The following ATP6V0E1 variants were observed in gnomAD, a reference collection of about 807,000 sequenced individuals.
ATP6V0E1 encodes ATPase H+ transporting V0 subunit e1.
ATP6V0E1 carries 4 observed loss-of-function variants against 11.6 expected under a neutral mutation model. The ratio of observed to expected loss-of-function variants is 0.35; its 90% CI spans 0.17 to 0.79. ATP6V0E1 has a LOEUF of 0.79. Ranked by LOEUF, ATP6V0E1 falls within the 30% of genes least tolerant of loss-of-function variation. The pLI, the probability that ATP6V0E1 is intolerant of heterozygous loss-of-function variation, is 0.54. For synonymous variants in ATP6V0E1, 36 were observed against 34.8 expected (o/e 1.04, Z -0.13); for missense variants, 105 against 100.0 (o/e 1.05, Z -0.21).
chr5:173,025,763 G>T (rs1470201880), intron 3 of ATP6V0E1, among the ~76,000 whole-genome samples: 3 of 151,928 alleles, frequency 2.0e-5, no homozygotes, highest in Non-Finnish European at 4.4e-5. Context: ...CTCCTAAAGT[G>T]CTGGGATTAC....
intron 1 of ATP6V0E1, among the ~76,000 whole-genome samples, chr5:172,991,409 G>A (rs767123047): frequency 6.6e-6 from 1 of 152,194 alleles, no homozygotes; most frequent in Non-Finnish European, 1.5e-5. Flanking sequence ...AGGAGCCTCA[G>A]CTCTTTCAGT....
intron 2 of ATP6V0E1, among the ~76,000 whole-genome samples, chr5:173,008,245 C>T (rs1756259025): frequency 6.6e-6 from 1 of 151,924 alleles, no homozygotes; most frequent in African/African-American, 2.4e-5. Flanking sequence ...GACTGAAACA[C>T]ACACTCCAAA....
chr5:173,003,366 T>C (rs891089609), intron 2 of ATP6V0E1, among the ~76,000 whole-genome samples: 2 of 152,202 alleles, frequency 1.3e-5, no homozygotes, highest in African/African-American at 2.4e-5. Flanking sequence ...TTGTCTGATT[T>C]GTTAATTCAT....
At chr5:173,032,158 GAATA>G (rs1756669866) in intron 3 of ATP6V0E1, among the ~76,000 whole-genome samples, 1 of 151,398 alleles carries the variant, frequency 6.6e-6, no homozygotes. Flanking sequence ...CCTGTCTCAA[GAATA>G]AATAAATAAA....
intron 3 of ATP6V0E1, among the ~76,000 whole-genome samples, chr5:173,030,444 T>G (rs1756632241): frequency 6.7e-6 from 1 of 149,088 alleles, no homozygotes; most frequent in Admixed American, 6.6e-5. Context: ...GTTTTTTGTT[T>G]TTTTTTTTTT....
chr5:172,994,226 G>A (rs191263243), intron 1 of ATP6V0E1, among the ~76,000 whole-genome samples: 40 of 152,262 alleles, frequency 2.6e-4, no homozygotes, highest in African/African-American at 9.1e-4. Context: ...TGGGTCGGTT[G>A]GGTGAAAATG....
chr5:172,998,108 T>G (rs889901512), intron 2 of ATP6V0E1, among the ~76,000 whole-genome samples: 1 of 144,198 alleles, frequency 6.9e-6, no homozygotes, highest in Non-Finnish European at 1.5e-5. Flanking sequence ...ATACCCTGTC[T>G]CAAAAAAAAA....
intron 1 of ATP6V0E1, among the ~76,000 whole-genome samples, chr5:172,993,792 G>A (rs1379355722): frequency 6.6e-6 from 1 of 150,542 alleles, no homozygotes; most frequent in Non-Finnish European, 1.5e-5. Context: ...GATCAGTTGA[G>A]CCGAGGAGTT....
chr5:172,992,034 C>T (rs79834175), intron 1 of ATP6V0E1, among the ~76,000 whole-genome samples: 1 of 151,272 alleles, frequency 6.6e-6, no homozygotes, highest in Non-Finnish European at 1.5e-5. Flanking sequence ...TTCTTTCTCT[C>T]TCTCTCTTTT....
intron 3 of ATP6V0E1, chr5:173,020,727 T>C (rs560387869): frequency 1.9e-6 from 1 of 519,474 alleles, no homozygotes; most frequent in South Asian, 1.4e-5. Flanking sequence ...GCAGGTTTCT[T>C]TCCAGCAGTA....
intron 1 of ATP6V0E1, among the ~76,000 whole-genome samples, chr5:172,992,571 G>T (rs1180951203): frequency 3.3e-5 from 5 of 151,996 alleles, no homozygotes; most frequent in African/African-American, 9.7e-5. Flanking sequence ...GCACTGAGAC[G>T]CCACCTCCTC....
intron 2 of ATP6V0E1, among the ~76,000 whole-genome samples, chr5:172,996,924 G>A (rs1473456977): frequency 6.8e-6 from 1 of 147,220 alleles, no homozygotes; most frequent in African/African-American, 2.5e-5. Flanking sequence ...TTTTGCTCTG[G>A]TTGTTATCTG....
At chr5:173,001,203 T>A (rs896305006) in intron 2 of ATP6V0E1, among the ~76,000 whole-genome samples, 1 of 152,100 alleles carries the variant, frequency 6.6e-6, no homozygotes, top group East Asian at 1.9e-4. Context: ...AATGGCACAG[T>A]GTAGCAGTGA....
intron 3 of ATP6V0E1, among the ~76,000 whole-genome samples, chr5:173,026,292 G>A (rs1021480974): frequency 2.0e-5 from 3 of 152,108 alleles, no homozygotes; most frequent in Non-Finnish European, 2.9e-5. Context: ...CACTATGTCC[G>A]GCCTGTAATT....
chr5:172,998,553 G>A (rs1157700440), intron 2 of ATP6V0E1, among the ~76,000 whole-genome samples: 1 of 150,094 alleles, frequency 6.7e-6, no homozygotes, highest in Non-Finnish European at 1.5e-5. Context: ...GGATGTTGCA[G>A]TGAGCCAAGA....
intron 3 of ATP6V0E1, chr5:173,020,672 T>C: frequency 1.9e-6 from 1 of 525,514 alleles, no homozygotes; most frequent in Middle Eastern, 5.7e-4. Flanking sequence ...CTTGGCATTG[T>C]GAGATCCAGC....
At chr5:173,029,526 C>T (rs1756616039) in intron 3 of ATP6V0E1, among the ~76,000 whole-genome samples, 1 of 152,112 alleles carries the variant, frequency 6.6e-6, no homozygotes, top group African/African-American at 2.4e-5. Flanking sequence ...TGCTCCTCAT[C>T]TGGTCTCCCT....
chr5:173,012,370 A>G (rs1228388687), intron 2 of ATP6V0E1, among the ~76,000 whole-genome samples: 1 of 150,972 alleles, frequency 6.6e-6, no homozygotes, highest in Non-Finnish European at 1.5e-5. Flanking sequence ...GCATATGTGT[A>G]TGCATGTGTA....
intron 2 of ATP6V0E1, among the ~76,000 whole-genome samples, chr5:172,998,706 A>T (rs1471938580): frequency 6.6e-6 from 1 of 152,090 alleles, no homozygotes; most frequent in Non-Finnish European, 1.5e-5. Flanking sequence ...TATCCTACTG[A>T]ATCGCCTATG....
Sources: gnomAD v4.1 joint callset for allele counts (sites outside exome capture counted in the v4.1 genomes callset) on GRCh38, gnomAD v4.1.1 for gene constraint, MANE v1.5 for transcripts, NCBI Gene and HGNC (gene_info 2026-07-23, HGNC 2026-07-21) for gene names.